Variants in CACNA1E observed in about 807,000 individuals in gnomAD.
The protein encoded by CACNA1E is calcium voltage-gated channel subunit alpha1 E.
In CACNA1E, 40 loss-of-function variants were observed where a neutral mutation model predicts 259.2. That is an observed-to-expected ratio of 0.15 (90% CI 0.12 to 0.20). CACNA1E has a LOEUF of 0.20. Among genes scored for constraint, CACNA1E ranks in the 10% least tolerant of loss-of-function variants. The probability of loss-of-function intolerance (pLI) is 1.00; values close to 1 mark genes in which losing one functional copy is unlikely to be tolerated. For missense variants in CACNA1E, 1,874 were observed against 3,040.1 expected, an observed-to-expected ratio of 0.62 and a Z score of 9.02; for synonymous variants, 1,104 against 1,138.5, an observed-to-expected ratio of 0.97 and a Z score of 0.61.
chr1:181,783,898 G>T, intron 40 of CACNA1E, 114 bp downstream of exon 40: 1 of 646,548 alleles, frequency 1.5e-6, no homozygotes, highest in East Asian at 2.6e-5. Context: ...ACACAATAAT[G>T]CAGTCATCTG....
intron 6 of CACNA1E, among the ~76,000 whole-genome samples, chr1:181,604,217 C>T (rs1037077370): frequency 6.6e-6 from 1 of 152,230 alleles, no homozygotes. Flanking sequence ...AACCTTGTCT[C>T]AGACTGGGGT....
intron 20 of CACNA1E, among the ~76,000 whole-genome samples, 179 bp downstream of exon 20, chr1:181,733,213 G>T (rs1655686753): frequency 6.6e-6 from 1 of 152,240 alleles, no homozygotes; most frequent in Admixed American, 6.5e-5. Flanking sequence ...CCCCAAAAAC[G>T]AGGGCCTGTT....
At chr1:181,443,230 A>C (rs1056438695) in intron 2 of CACNA1E, among the ~76,000 whole-genome samples, 1 of 152,254 alleles carries the variant, frequency 6.6e-6, no homozygotes, top group East Asian at 1.9e-4. Flanking sequence ...ACTATGCAGA[A>C]TATGAAATAC....
chr1:181,344,074 T>G (rs1571616364), intron 1 of CACNA1E, among the ~76,000 whole-genome samples: 1 of 152,118 alleles, frequency 6.6e-6, no homozygotes, highest in South Asian at 2.1e-4. Context: ...TCAGGTACCC[T>G]CCTGTGTTCT....
In CACNA1E at chr1:181,510,546, T is replaced by C; in HGVS notation, c.336T>C (p.Leu112=). Residue 112 remains leucine, a synonymous_variant, in exon 2 of 48, where the codon CTT becomes CTC. Transcript: ENST00000367573. ...NCIVLALEQH[L]PEDDKTPMSR... ...TCGTCCTGGCCCTGGAGCAGCATCT[T>C]CCTGAGGATGACAAGACCCCCATGT... The C allele has an allele frequency of 6.2e-7, 1 of 1,613,694 alleles. No individual in the cohort carries two copies. The highest frequency in any genetic ancestry group is 1.1e-5 in the South Asian group (1 of 91,076).
intron 6 of CACNA1E, among the ~76,000 whole-genome samples, chr1:181,592,038 GTA>G (rs1206865695): frequency 1.3e-5 from 2 of 152,054 alleles, no homozygotes; most frequent in Non-Finnish European, 2.9e-5. Context: ...AACCTTGAGT[GTA>G]CACTCTTGGA....
At chr1:181,742,587 A>G (rs1656680713) in intron 25 of CACNA1E, among the ~76,000 whole-genome samples, 1 of 152,200 alleles carries the variant, frequency 6.6e-6, no homozygotes, top group African/African-American at 2.4e-5. Flanking sequence ...GTGGCTCCTC[A>G]GAAACCAGGG....
At chr1:181,327,651 G>A (rs890200963) in intron 1 of CACNA1E, among the ~76,000 whole-genome samples, 1 of 152,184 alleles carries the variant, frequency 6.6e-6, no homozygotes, top group Non-Finnish European at 1.5e-5. Context: ...TTCAGAAAGA[G>A]CTTTGGCTAA....
intron 1 of CACNA1E, among the ~76,000 whole-genome samples, chr1:181,335,203 A>C (rs547463071): frequency 1.4e-4 from 22 of 152,034 alleles, no homozygotes; most frequent in Admixed American, 1.2e-3. Flanking sequence ...TCTAGCAAAC[A>C]GGATCCACAC....
At position 181,738,390 on chromosome 1, in the gene CACNA1E, G is replaced by A; in HGVS notation, c.3576G>A (p.Val1192=). The change falls in exon 24 of 48, where the codon GTG becomes GTA. Residue 1192 remains valine, a synonymous_variant. Coordinates refer to ENST00000367573, the MANE Select transcript of CACNA1E (RefSeq NM_001205293.3). ...AGGTCCTGAGGTATTTTGACTATGTGTTCACGGGCGTGTTCACCTTTGAGA... is the reference window on the plus strand; with the variant it reads ...AGGTCCTGAGGTATTTTGACTATGTATTCACGGGCGTGTTCACCTTTGAGA... ...RNKVLRYFDY[V]FTGVFTFEMV... is the part of the protein sequence containing the mutation. The A allele has an allele frequency of 6.2e-7, 1 of 1,613,876 alleles. No individual in the cohort carries two copies. The highest frequency in any genetic ancestry group is 8.5e-7 in the Non-Finnish European group (1 of 1,179,766).
At chr1:181,713,884 A>G (rs1455423148) in intron 8 of CACNA1E, among the ~76,000 whole-genome samples, 1 of 152,204 alleles carries the variant, frequency 6.6e-6, no homozygotes, top group Non-Finnish European at 1.5e-5. Flanking sequence ...CCTTCAGATG[A>G]TGACACCTCA....
At chr1:181,515,369 C>T (rs1334600128) in intron 3 of CACNA1E, among the ~76,000 whole-genome samples, 1 of 152,176 alleles carries the variant, frequency 6.6e-6, no homozygotes, top group Non-Finnish European at 1.5e-5. Flanking sequence ...GAGAGTGGAT[C>T]AGAGTTCCAG....
intron 4 of CACNA1E, among the ~76,000 whole-genome samples, chr1:181,578,548 C>A (rs1651206173): frequency 6.6e-6 from 1 of 152,194 alleles, no homozygotes; most frequent in Non-Finnish European, 1.5e-5. Context: ...GCCTTGGCGA[C>A]AGACCGACAC....
At position 181,464,972 on chromosome 1, in the gene CACNA1E, T is replaced by C. The variant is rs553437539; in HGVS notation, c.435-18772T>C. Among the ~76,000 whole-genome samples the C allele has an allele frequency of 7.9e-5, 12 of 152,252 alleles. No homozygotes were observed. The South Asian group carries it at 1.2e-3, about 16-fold the overall frequency. Reference sequence around the variant, plus strand: ...AAAATTGTCATTATATCCACTAATATCTTTTGCTCCTCACACCATTTTCTT... The same window carrying C: ...AAAATTGTCATTATATCCACTAATACCTTTTGCTCCTCACACCATTTTCTT... On this transcript the variant is annotated intron_variant, in intron 2 of 11. Coordinates refer to the CACNA1E transcript ENST00000524607.
At position 181,799,115 on chromosome 1, in the gene CACNA1E, G is replaced by A. The variant is rs575308745; in HGVS notation, c.*281G>A. The A allele has an allele frequency of 6.3e-6, 2 of 316,920 alleles. No individual in the cohort carries two copies. The highest frequency in any genetic ancestry group is 2.1e-5 in the African/African-American group (1 of 46,912). 19.6% of individuals were successfully genotyped at this position (316,920 alleles called of 1,614,324 possible). A position where few individuals can be genotyped will look rare whatever the true frequency, so the allele number is the denominator to read the frequency against. On this transcript the variant is annotated 3_prime_UTR_variant, in exon 48 of 48. Coordinates refer to ENST00000367573, the MANE Select transcript of CACNA1E (RefSeq NM_001205293.3). ...GTTATTACTGCGGGAGAAGGGACAC[G>A]AGGATGGCTTTGCTTCCCCTTGCCC...
chr1:181,642,202 G>A (rs1657853325), intron 6 of CACNA1E, among the ~76,000 whole-genome samples: 1 of 152,036 alleles, frequency 6.6e-6, no homozygotes, highest in Non-Finnish European at 1.5e-5. Flanking sequence ...TTGAACCTTG[G>A]TTCTTCTGTA....
At chr1:181,364,983 C>G (rs190605608) in intron 1 of CACNA1E, among the ~76,000 whole-genome samples, 2 of 152,106 alleles carry the variant, frequency 1.3e-5, no homozygotes, top group African/African-American at 4.8e-5. Context: ...TGGAAGCGTT[C>G]GTTAGCCAAG....
chr1:181,512,660 T>A (rs1666252682), intron 3 of CACNA1E, among the ~76,000 whole-genome samples: 1 of 152,120 alleles, frequency 6.6e-6, no homozygotes, highest in South Asian at 2.1e-4. Context: ...TGGGATTACA[T>A]GAAAGAGAAA....
At chr1:181,694,578 A>C (rs905706011) in intron 7 of CACNA1E, among the ~76,000 whole-genome samples, 1 of 152,082 alleles carries the variant, frequency 6.6e-6, no homozygotes, top group African/African-American at 2.4e-5. Context: ...TTGCCATTAC[A>C]CCCTTCTGCC....
Sources: gnomAD v4.1 joint callset for allele counts (sites outside exome capture counted in the v4.1 genomes callset) on GRCh38, gnomAD v4.1.1 for gene constraint, MANE v1.5 for transcripts, NCBI Gene and HGNC (gene_info 2026-07-23, HGNC 2026-07-21) for gene names.